The following FYB2 variants were observed in gnomAD, a reference collection of about 807,000 sequenced individuals.
The protein encoded by FYB2 is FYN-binding protein 2.
In FYB2, 103 loss-of-function variants were observed where a neutral mutation model predicts 94.1. That is an observed-to-expected ratio of 1.09 (90% confidence interval 0.93 to 1.29). The LOEUF (loss-of-function observed/expected upper bound fraction) is 1.29. Among genes scored for constraint, FYB2 ranks in the 50% most tolerant of loss-of-function variants. The pLI is 0.00. For synonymous variants in FYB2, 293 were observed against 287.9 expected (o/e 1.02, Z -0.18); for missense variants, 896 against 841.5 (o/e 1.06, Z -0.80).
At chr1:56,789,810 A>G (rs1646220754) in intron 2 of FYB2, among the ~76,000 whole-genome samples, 1 of 152,176 alleles carries the variant, frequency 6.6e-6, no homozygotes, top group South Asian at 2.1e-4. Flanking sequence ...GGCCTACCTC[A>G]TAGGAGAGAG....
In FYB2 at chr1:56,756,302, G is replaced by A. The variant is rs529076902; in HGVS notation, c.1099-375C>T. Among the ~76,000 whole-genome samples, 6 of 152,210 alleles carry A rather than the reference G, an allele frequency of 3.9e-5. No homozygotes were observed. In the South Asian group the frequency reaches 1.2e-3, roughly 32 times the overall value. On this transcript the variant is annotated intron_variant, in intron 6 of 19. Coordinates refer to ENST00000343433, the MANE Select transcript of FYB2 (RefSeq NM_001004303.5). ...ACTGGGCAAATTGGTATTCACAAGT[G>A]CACAAGTAATGCTGGAATTTCTCCG...
chr1:56,770,007 A>G (rs1645717081), intron 4 of FYB2, among the ~76,000 whole-genome samples: 1 of 152,184 alleles, frequency 6.6e-6, no homozygotes, highest in South Asian at 2.1e-4. Flanking sequence ...TTAATATTAG[A>G]CCAACTTCAG....
chr1:56,775,679 A>G (rs1405847942), intron 4 of FYB2, among the ~76,000 whole-genome samples: 1 of 152,168 alleles, frequency 6.6e-6, no homozygotes, highest in African/African-American at 2.4e-5. Flanking sequence ...CCATTATGCT[A>G]TATACCATCT....
At chr1:56,726,322 T>G (rs2100504000) in intron 16 of FYB2, among the ~76,000 whole-genome samples, 175 bp downstream of exon 16, 2 of 152,210 alleles carry the variant, frequency 1.3e-5, no homozygotes, top group Non-Finnish European at 2.9e-5. Flanking sequence ...AATATTTTTA[T>G]ATTCTTTGTC....
At chr1:56,755,771 T>G in intron 7 of FYB2, 125 bp downstream of exon 7, 1 of 899,604 alleles carries the variant, frequency 1.1e-6, no homozygotes, top group Non-Finnish European at 1.8e-6. Flanking sequence ...CCTTGCAAGG[T>G]GCCGGGGAAA....
chr1:56,806,622 C>T (rs186020651), intron 1 of FYB2, among the ~76,000 whole-genome samples: 2 of 152,120 alleles, frequency 1.3e-5, no homozygotes, highest in Non-Finnish European at 2.9e-5. Flanking sequence ...TATTTTGCAA[C>T]CTTCAAATCC....
chr1:56,755,012 G>A (rs1229827107), intron 7 of FYB2, among the ~76,000 whole-genome samples: 4 of 152,024 alleles, frequency 2.6e-5, no homozygotes, highest in South Asian at 2.1e-4. Flanking sequence ...TTCAGCACAC[G>A]TTTTTAGATT....
intron 1 of FYB2, among the ~76,000 whole-genome samples, chr1:56,808,617 A>G (rs145826209): frequency 1.3e-4 from 20 of 152,318 alleles, no homozygotes; most frequent in African/African-American, 2.4e-4. Context: ...GTGAGGGGCC[A>G]GCAACACATT....
chr1:56,822,830 C>A (rs1230989993), upstream of FYB2, among the ~76,000 whole-genome samples: 1 of 151,460 alleles, frequency 6.6e-6, no homozygotes, highest in African/African-American at 2.4e-5. Flanking sequence ...AAACTTTGAG[C>A]ACTGTATGTT....
intron 4 of FYB2, among the ~76,000 whole-genome samples, chr1:56,785,050 G>C (rs1027552281): frequency 1.3e-5 from 2 of 152,154 alleles, no homozygotes; most frequent in African/African-American, 4.8e-5. Context: ...CCTCATTTCA[G>C]ACGGAGGTTA....
chr1:56,780,013 C>T (rs1239442323), intron 4 of FYB2, among the ~76,000 whole-genome samples: 2 of 151,942 alleles, frequency 1.3e-5, no homozygotes, highest in Non-Finnish European at 2.9e-5. Context: ...AATAATATTG[C>T]CATTTTATAG....
intron 6 of FYB2, among the ~76,000 whole-genome samples, chr1:56,757,755 T>TTTCTTTC: frequency 7.7e-6 from 1 of 129,680 alleles, no homozygotes; most frequent in African/African-American, 3.0e-5. Flanking sequence ...TCTTTCTTTC[T>TTTCTTTC]TTTCATTCTT....
At chr1:56,807,651 T>C (rs1047419887) in intron 1 of FYB2, among the ~76,000 whole-genome samples, 6 of 152,174 alleles carry the variant, frequency 3.9e-5, no homozygotes, top group African/African-American at 1.4e-4. Context: ...GCAGTGCATC[T>C]CCACTTCAGA....
chr1:56,781,921 C>A (rs1049768167), intron 4 of FYB2, among the ~76,000 whole-genome samples: 1 of 152,118 alleles, frequency 6.6e-6, no homozygotes, highest in Non-Finnish European at 1.5e-5. Context: ...TCTCCTAGAT[C>A]TTCCTTTAAC....
intron 17 of FYB2, among the ~76,000 whole-genome samples, chr1:56,721,646 C>G (rs942977649): frequency 2.0e-5 from 3 of 152,004 alleles, no homozygotes; most frequent in African/African-American, 7.2e-5. Context: ...CATTTGGGGT[C>G]CATTGCATAC....
intron 9 of FYB2, among the ~76,000 whole-genome samples, chr1:56,744,669 C>A (rs954046603): frequency 6.6e-5 from 10 of 151,948 alleles, no homozygotes; most frequent in African/African-American, 2.4e-4. Flanking sequence ...AGTCTTACGG[C>A]AGTTCTTAAA....
upstream of FYB2, chr1:56,823,883 G>A (rs766739952): frequency 3.9e-5 from 6 of 152,282 alleles, no homozygotes; most frequent in South Asian, 2.1e-4. Context: ...TCAAAGGAAC[G>A]CCATTCCTCT....
chr1:56,761,964 C>G (rs1293991382), intron 5 of FYB2: 2 of 152,084 alleles, frequency 1.3e-5, no homozygotes, highest in African/African-American at 4.8e-5. Context: ...TGGTCCAACA[C>G]CATTTTTTAA....
intron 4 of FYB2, among the ~76,000 whole-genome samples, chr1:56,781,693 C>CACTTCCAAGCTTTTTTACAAA (rs1646012630): frequency 6.6e-6 from 1 of 152,152 alleles, no homozygotes; most frequent in East Asian, 1.9e-4. Context: ...AAAGAAGTGT[C>CACTTCCAAGCTTTTTTACAAA]AGCTCATGTC....
Sources: allele counts gnomAD v4.1 joint callset (sites outside exome capture counted in the v4.1 genomes callset), GRCh38; gene constraint gnomAD v4.1.1; transcripts MANE v1.5; gene names NCBI Gene and HGNC (gene_info 2026-07-23, HGNC 2026-07-21).